The following NUP155 variants were observed in gnomAD, a reference collection of about 807,000 sequenced individuals.
The protein encoded by NUP155 is nuclear pore complex protein Nup155.
Under a neutral mutation model 180.4 loss-of-function variants are expected in NUP155, and 71 were observed. That is an observed-to-expected ratio of 0.39 (90% CI 0.33 to 0.48). The LOEUF is 0.48. NUP155 is among the 20% of genes least tolerant of loss of function. The pLI is 0.91. For synonymous variants in NUP155, 582 were observed against 559.5 expected, an observed-to-expected ratio of 1.04 and a Z score of -0.57; for missense variants, 1,553 against 1,648.9, an observed-to-expected ratio of 0.94 and a Z score of 1.01.
intron 20 of NUP155, among the ~76,000 whole-genome samples, chr5:37,320,252 T>C (rs1052237819): frequency 6.7e-6 from 1 of 149,756 alleles, no homozygotes; most frequent in Non-Finnish European, 1.5e-5. Flanking sequence ...CTGAGGCGGG[T>C]GGATAACCTG....
At chr5:37,334,997 A>G (rs975086878) in intron 12 of NUP155, among the ~76,000 whole-genome samples, 1 of 151,936 alleles carries the variant, frequency 6.6e-6, no homozygotes, top group Non-Finnish European at 1.5e-5. Context: ...GTCTCTACTA[A>G]AAATAGAAAA....
Position 37,291,139 on chromosome 5 carries a change from T to C in NUP155, c.*761A>G, listed in dbSNP as rs934575761. On this transcript the variant is annotated 3_prime_UTR_variant, in exon 35 of 35. Coordinates refer to ENST00000231498, the MANE Select transcript of NUP155 (RefSeq NM_153485.3). ...TGTTAGAGGACAGTTCTTTCAAGGG[T>C]GAACCCAACACCTAAAAAAAGTTTT... 3 of 152,214 alleles carry C rather than the reference T, an allele frequency of 2.0e-5. No homozygotes were observed. Among genetic ancestry groups the C allele is most frequent in the East Asian group, 1.9e-4 (1 of 5,202 alleles). The allele number at this position is 152,214 out of a possible 1,614,324, so 9.4% of individuals were successfully genotyped here.
chr5:37,350,016 T>C, intron 7 of NUP155, 144 bp downstream of exon 7: 2 of 691,998 alleles, frequency 2.9e-6, no homozygotes, highest in Non-Finnish European at 2.6e-6. Flanking sequence ...TCCTTACCCT[T>C]TAAAAGACCT....
At chr5:37,300,912 C>A (rs564883193) in intron 30 of NUP155, 1 of 165,172 alleles carries the variant, frequency 6.1e-6, no homozygotes, top group African/African-American at 2.4e-5. Context: ...AAACCCCCAC[C>A]TCCTGGGTTC....
At chr5:37,316,453 C>T (rs1743891863) in intron 21 of NUP155, among the ~76,000 whole-genome samples, 1 of 152,000 alleles carries the variant, frequency 6.6e-6, no homozygotes, top group South Asian at 2.1e-4. Context: ...TTCATGGGTA[C>T]AGAGTGACTT....
intron 4 of NUP155, 136 bp downstream of exon 4, chr5:37,357,945 A>G: frequency 1.5e-6 from 1 of 654,384 alleles, no homozygotes; most frequent in South Asian, 1.5e-5. Flanking sequence ...GTGAGCCAAG[A>G]TTGCGCCACT....
chr5:37,308,274 T>G (rs1452509344), intron 24 of NUP155, among the ~76,000 whole-genome samples: 3 of 152,108 alleles, frequency 2.0e-5, no homozygotes, highest in Non-Finnish European at 2.9e-5. Context: ...ACATTTCGGC[T>G]GGGCGCAGTG....
At chr5:37,298,042 A>C (rs921518920) in intron 32 of NUP155, among the ~76,000 whole-genome samples, 1 of 152,076 alleles carries the variant, frequency 6.6e-6, no homozygotes. Flanking sequence ...GTTTGAGACC[A>C]GCCTAGACAA....
At chr5:37,338,047 A>G (rs1006037878) in intron 11 of NUP155, 129 bp from the exon 12 acceptor site, 24 of 618,720 alleles carry the variant, frequency 3.9e-5, no homozygotes, top group Non-Finnish European at 6.3e-5. Context: ...CGGGCTGGGC[A>G]CGGTGGCTCA....
chr5:37,302,757 G>C, intron 29 of NUP155, 22 bp downstream of exon 29: 1 of 1,612,996 alleles, frequency 6.2e-7, no homozygotes, highest in Non-Finnish European at 8.5e-7. Flanking sequence ...TGTGGACACA[G>C]CTTAAGATCT....
intron 18 of NUP155, 116 bp downstream of exon 18, chr5:37,327,513 A>G: frequency 9.1e-7 from 1 of 1,094,798 alleles, no homozygotes; most frequent in African/African-American, 1.6e-5. Context: ...TCAACAAGTG[A>G]GCTAAAACTA....
intron 23 of NUP155, chr5:37,309,513 G>C: frequency 2.2e-6 from 1 of 458,970 alleles, no homozygotes; most frequent in Non-Finnish European, 4.0e-6. Flanking sequence ...CTCTTGCCTA[G>C]TCAATACATT....
chr5:37,307,226 A>G, intron 25 of NUP155, 71 bp downstream of exon 25: 1 of 1,520,094 alleles, frequency 6.6e-7, no homozygotes, highest in Non-Finnish European at 9.0e-7. Flanking sequence ...TAAAACAAAA[A>G]ACAAAAAACA....
At chr5:37,319,749 T>C (rs954020304) in intron 20 of NUP155, among the ~76,000 whole-genome samples, 10 of 152,296 alleles carry the variant, frequency 6.6e-5, no homozygotes, top group African/African-American at 2.4e-4. Context: ...CATGTGCCTG[T>C]AGTCCCAACT....
intron 3 of NUP155, among the ~76,000 whole-genome samples, chr5:37,363,516 T>C (rs1270066857): frequency 6.6e-6 from 1 of 152,180 alleles, no homozygotes; most frequent in East Asian, 1.9e-4. Context: ...AAATATCACA[T>C]GCCTACTCCA....
chr5:37,335,309 A>G (rs1247153258), intron 12 of NUP155, among the ~76,000 whole-genome samples: 2 of 142,422 alleles, frequency 1.4e-5, no homozygotes, highest in African/African-American at 6.0e-5. Flanking sequence ...TGAACCCAGG[A>G]GTTTGAGGCT....
In NUP155 at chr5:37,303,417, AG is replaced by A; in HGVS notation, c.3163-4del. ...GGCTCCAGAAATGGAGAAGCAACCT[AG>A]AAATTATATAGTTATTCAGAAAAAT... On this transcript the variant is annotated splice_polypyrimidine_tract_variant and splice_region_variant and intron_variant, in intron 27 of 34. Transcript: ENST00000231498. 2 of 1,613,582 alleles carry A rather than the reference AG, an allele frequency of 1.2e-6. No individual in the cohort carries two copies. Among genetic ancestry groups the A allele is most frequent in the Non-Finnish European group, 1.7e-6 (2 of 1,179,606 alleles).
intron 30 of NUP155, chr5:37,301,150 G>A: frequency 2.8e-6 from 1 of 352,820 alleles, no homozygotes; most frequent in East Asian, 6.8e-5. Context: ...GTAAAGATGA[G>A]GTTTTGCCAT....
Position 37,370,911 on chromosome 5 carries a change from G to A in NUP155, c.67C>T (p.Leu23=), listed in dbSNP as rs758910818. ...STSAAALQEA[L]ENAGRLIDRQ... ...TCGATGAGCCGTCCAGCATTTTCCA[G>A]AGCTTCCTGCAGGGCTGCGGCAGAT... is the stretch of plus-strand genomic sequence containing the variant. The change falls in exon 1 of 35, where the codon CTG becomes TTG. Residue 23 remains leucine, a synonymous_variant. Coordinates refer to ENST00000231498, the MANE Select transcript of NUP155 (RefSeq NM_153485.3). The A allele has an allele frequency of 1.2e-6, 2 of 1,614,214 alleles. No individual in the cohort carries two copies. The highest frequency in any genetic ancestry group is 2.2e-5 in the East Asian group (1 of 44,884).
Sources: allele counts gnomAD v4.1 joint callset (sites outside exome capture counted in the v4.1 genomes callset), GRCh38; gene constraint gnomAD v4.1.1; transcripts MANE v1.5; gene names NCBI Gene and HGNC (gene_info 2026-07-23, HGNC 2026-07-21).